PRDM11: variants seen among roughly 807,000 people sequenced by gnomAD.
PRDM11 encodes the protein PR/SET domain 11, also known as PR domain-containing protein 11.
PRDM11 carries 20 observed loss-of-function variants against 97.8 expected under a neutral mutation model. The observed-to-expected ratio is 0.20, with a 90% CI of 0.14 to 0.30. The LOEUF (loss-of-function observed/expected upper bound fraction) is 0.30, where lower values mean the gene tolerates loss of function less well. PRDM11 is among the 10% of genes least tolerant of loss of function. The pLI, the probability that PRDM11 is intolerant of heterozygous loss-of-function variation, is 1.00. For synonymous variants in PRDM11, 599 were observed against 637.7 expected (o/e 0.94, Z 0.91); for missense variants, 1,139 against 1,555.2 (o/e 0.73, Z 4.50).
intron 1 of PRDM11, among the ~76,000 whole-genome samples, chr11:45,113,144 A>G (rs112759656): frequency 0.025 from 3,831 of 152,218 alleles, 168 homozygotes; most frequent in African/African-American, 0.088. Flanking sequence ...TGAGAAATGG[A>G]AATCCAGTTT....
chr11:45,196,956 T>G (rs1021928884), intron 4 of PRDM11, among the ~76,000 whole-genome samples: 2 of 152,170 alleles, frequency 1.3e-5, no homozygotes, highest in African/African-American at 4.8e-5. Flanking sequence ...CCCCTATGAG[T>G]TGTTGTAAAT....
At chr11:45,169,185 T>C (rs1852141723) in intron 1 of PRDM11, among the ~76,000 whole-genome samples, 1 of 152,224 alleles carries the variant, frequency 6.6e-6, no homozygotes, top group East Asian at 1.9e-4. Context: ...AAAAAGTAGA[T>C]AGAAAAGTAT....
chr11:45,126,326 G>T (rs1248998097), intron 1 of PRDM11, among the ~76,000 whole-genome samples: 1 of 151,960 alleles, frequency 6.6e-6, no homozygotes, highest in Non-Finnish European at 1.5e-5. Flanking sequence ...GGAGCATTTA[G>T]CCCATTTACA....
chr11:45,170,720 G>A (rs1471764823), intron 1 of PRDM11, among the ~76,000 whole-genome samples: 1 of 152,184 alleles, frequency 6.6e-6, no homozygotes, highest in Non-Finnish European at 1.5e-5. Flanking sequence ...CCTGCCTTAT[G>A]TTATAACAGG....
At chr11:45,182,833 G>A (rs987431308) in intron 3 of PRDM11, 28 bp from the exon 4 acceptor site, 5 of 1,545,822 alleles carry the variant, frequency 3.2e-6, no homozygotes, top group Non-Finnish European at 4.4e-6. Context: ...AACAACTGAG[G>A]CCCTCCCTTC....
chr11:45,112,045 T>A (rs555954972), intron 1 of PRDM11, among the ~76,000 whole-genome samples: 1 of 152,308 alleles, frequency 6.6e-6, no homozygotes, highest in Admixed American at 6.5e-5. Flanking sequence ...AGTGCACCGG[T>A]CACCCAAGCA....
Position 45,227,086 on chromosome 11 carries a change from G to A in PRDM11, c.2461G>A (p.Asp821Asn). ...TTGTGAGGAGACAGAGTTCCTGGGC[G>A]ATATCCGGGCAGTGCGGTGGATCAT... ...TLCEETEFLG[D>N]IRAVRWIIGE... The change falls in exon 8 of 8, where the codon GAT (aspartate) becomes AAT (asparagine). Residue 821 changes from aspartate to asparagine, a missense_variant. Transcript: ENST00000683152. The surrounding 1 kb of genome is among the most constrained non-coding windows in gnomAD (Gnocchi z 8.0). 6 of 1,533,956 alleles carry A rather than the reference G, an allele frequency of 3.9e-6. No homozygotes were observed. The highest frequency in any genetic ancestry group is 2.4e-5 in the South Asian group (2 of 83,968).
chr11:45,217,275 T>C (rs1853983753), intron 5 of PRDM11, among the ~76,000 whole-genome samples: 1 of 152,226 alleles, frequency 6.6e-6, no homozygotes, highest in African/African-American at 2.4e-5. Flanking sequence ...GTGACTTCTC[T>C]CACTCCAAAT....
Position 45,232,652 on chromosome 11 carries a change from C to T in PRDM11, c.*4493C>T, listed in dbSNP as rs1405700812. The stretch of plus-strand genomic sequence containing the variant: ...GGGAGGTGGTGCCGTGTCATGGGTT[C>T]TAGTCTGGCCTCTTCCTCAGTCCTC... On this transcript the variant is annotated 3_prime_UTR_variant, in exon 8 of 8. Transcript: ENST00000683152. 6.6e-6 allele frequency: 1 copy of T among 152,294 alleles called. No homozygotes were observed. The highest frequency in any genetic ancestry group is 6.5e-5 in the Admixed American group (1 of 15,286). 9.4% of individuals were successfully genotyped at this position (152,294 alleles called of 1,614,324 possible).
intron 5 of PRDM11, among the ~76,000 whole-genome samples, chr11:45,205,514 C>G (rs373809584): frequency 3.9e-5 from 6 of 151,976 alleles, no homozygotes; most frequent in Non-Finnish European, 8.8e-5. Context: ...TCTCTGGGAC[C>G]TAGGAGCACT....
rs71038838 is a variant in PRDM11 at position 45,229,459 on chromosome 11, TACACAGACACACACACAC to T, written c.*1342_*1359del. ...AGAGAGGACTCTCAAGGCATCAGCC[TACACAGACACACACACAC>T]ACACAGACACACACACACACACAGA... On this transcript the variant is annotated 3_prime_UTR_variant, in exon 8 of 8. Transcript: ENST00000683152. 82,956 of 148,260 alleles carry T rather than the reference TACACAGACACACACACAC, an allele frequency of 0.56. 24,786 individuals are homozygous for T. The highest frequency in any genetic ancestry group is 0.69 in the Non-Finnish European group (46,177 of 67,220). The allele number at this position is 148,260 out of a possible 1,614,324, so 9.2% of individuals were successfully genotyped here.
In PRDM11 at chr11:45,182,982, G is replaced by C. The variant is rs1399613699; in HGVS notation, c.345G>C (p.Gln115His). Residue 115 changes from glutamine (Q) to histidine (H), a missense_variant, in exon 4 of 8, where the codon CAG (glutamine) becomes CAC (histidine). By Grantham distance (24) the Gln-to-His change is conservative (BLOSUM62 0). This residue lies in a region of PRDM11 where 429 missense variants were observed against 510.3 expected (regional missense o/e 0.84). Transcript: ENST00000683152. The stretch of plus-strand genomic sequence containing the variant: ...ACCGGGCGGCGCTCACCATCCCACA[G>C]GGCATGGAGGTGGTCAAGGACACTA... ...IPDRAALTIP[Q>H]GMEVVKDTSG... 6.2e-7 allele frequency: 1 copy of C among 1,614,084 alleles called. No individual in the cohort carries two copies. The highest frequency in any genetic ancestry group is 8.5e-7 in the Non-Finnish European group (1 of 1,180,022).
At chr11:45,213,045 C>G (rs990006742) in intron 5 of PRDM11, 1 of 430,402 alleles carries the variant, frequency 2.3e-6, no homozygotes, top group Non-Finnish European at 4.8e-6. Flanking sequence ...AATTTCTAAC[C>G]CAGCTAGTCT....
At chr11:45,164,030 G>T (rs532839313) in intron 1 of PRDM11, among the ~76,000 whole-genome samples, 1 of 152,266 alleles carries the variant, frequency 6.6e-6, no homozygotes, top group East Asian at 1.9e-4. Context: ...TTGAATCCTG[G>T]CTTTGCCACT....
intron 4 of PRDM11, among the ~76,000 whole-genome samples, chr11:45,186,009 T>G (rs79064776): frequency 5.3e-5 from 8 of 151,576 alleles, no homozygotes; most frequent in East Asian, 1.9e-4. Flanking sequence ...AGTCAAGGGA[T>G]GCAGGCAGCT....
rs935709544 is a variant in PRDM11, at chr11:45,229,262, G to A, written c.*1103G>A. ...GTGGCAGGTAGTGTCAATGCAAATT[G>A]TGCCCTAAGTTATGCATAACTCAAA... On this transcript the variant is annotated 3_prime_UTR_variant, in exon 8 of 8. Coordinates refer to ENST00000683152, the MANE Select transcript of PRDM11 (RefSeq NM_001384648.1). 1 of 151,990 alleles carries A rather than the reference G, an allele frequency of 6.6e-6. No homozygotes were observed. The highest frequency in any genetic ancestry group is 1.5e-5 in the Non-Finnish European group (1 of 68,014). 9.4% of individuals were successfully genotyped at this position (151,990 alleles called of 1,614,324 possible).
At chr11:45,198,089 C>A (rs1853195517) in intron 4 of PRDM11, among the ~76,000 whole-genome samples, 1 of 152,130 alleles carries the variant, frequency 6.6e-6, no homozygotes, top group Non-Finnish European at 1.5e-5. Flanking sequence ...TAAATTAGGG[C>A]AGATGGGTTA....
Position 45,229,797 on chromosome 11 carries a change from G to C in PRDM11, c.*1638G>C, listed in dbSNP as rs61880323. The C allele has an allele frequency of 1.3e-5, 2 of 152,158 alleles. No individual in the cohort carries two copies. Among genetic ancestry groups the C allele is most frequent in the African/African-American group, 2.4e-5 (1 of 41,440 alleles). The allele number at this position is 152,158 out of a possible 1,614,324, so 9.4% of individuals were successfully genotyped here. A position where few individuals can be genotyped will look rare whatever the true frequency, so the allele number is the denominator to read the frequency against. ...GATCTGAATTATATACATGTGGTCA[G>C]TTCTGCTGAGAGCTTCATCTCTTGG... On this transcript the variant is annotated 3_prime_UTR_variant, in exon 8 of 8. Coordinates refer to ENST00000683152, the MANE Select transcript of PRDM11 (RefSeq NM_001384648.1).
In PRDM11 at chr11:45,181,832, G is replaced by T. The variant is rs778380526; in HGVS notation, c.66G>T (p.Val22=). The T allele has an allele frequency of 8.1e-6, 13 of 1,613,462 alleles. No homozygotes were observed. The East Asian group carries it at 1.6e-4, about 19-fold the overall frequency. The change falls in exon 2 of 8, where the codon GTG becomes GTT. Residue 22 remains valine (V), a synonymous_variant. Coordinates refer to ENST00000683152, the MANE Select transcript of PRDM11 (RefSeq NM_001384648.1). ...CAGCCGTGGGGGATATGGTGACGGT[G>T]GTGAAGACGGAGGTCTGCTCACCAC... ...TNAAVGDMVT[V]VKTEVCSPLR...
Sources: allele counts gnomAD v4.1 joint callset (sites outside exome capture counted in the v4.1 genomes callset), GRCh38; gene constraint gnomAD v4.1.1; regional missense constraint gnomAD v4.1.1; non-coding constraint Gnocchi (gnomAD v3.1); transcripts MANE v1.5; gene names NCBI Gene and HGNC (gene_info 2026-07-23, HGNC 2026-07-21).